The following MROH9 variants were observed in gnomAD, a reference collection of about 807,000 sequenced individuals.
MROH9 encodes the protein maestro heat-like repeat-containing protein family member 9.
In MROH9, 92 loss-of-function variants were observed where a neutral mutation model predicts 98.2. The observed-to-expected ratio is 0.94, with a 90% CI of 0.79 to 1.11. The LOEUF (loss-of-function observed/expected upper bound fraction) is 1.11, where lower values mean the gene tolerates loss of function less well. Ranked by LOEUF, MROH9 falls within the 50% of genes most tolerant of loss-of-function variation. The probability of loss-of-function intolerance (pLI) is 0.00; values close to 1 mark genes in which losing one functional copy is unlikely to be tolerated. For missense variants in MROH9, 1,057 were observed against 1,014.8 expected, an observed-to-expected ratio of 1.04 and a Z score of -0.57; for synonymous variants, 397 against 368.9, an observed-to-expected ratio of 1.08 and a Z score of -0.87.
chr1:170,961,691 T>A lies in MROH9; in HGVS notation c.289-199T>A, dbSNP rs145037719. On this transcript the variant is annotated intron_variant, in intron 5 of 21. Coordinates refer to ENST00000367759, the MANE Select transcript of MROH9 (RefSeq NM_001163629.2). ...TTTGTCTTTTTCTTTGTATATTTTT[T>A]AATATCTGAGATAATGCTAAAATTC... Among the ~76,000 whole-genome samples, 37 of 152,334 alleles carry A rather than the reference T, an allele frequency of 2.4e-4. No individual in the cohort carries two copies. The East Asian group carries it at 6.7e-3, about 28-fold the overall frequency.
chr1:170,976,327 A>T (rs1443289229), intron 8 of MROH9, among the ~76,000 whole-genome samples: 1 of 151,694 alleles, frequency 6.6e-6, no homozygotes, highest in Non-Finnish European at 1.5e-5. Flanking sequence ...AGGAGCTCTT[A>T]TCAGGCAGAT....
chr1:171,006,045 T>C (rs1463606316), intron 15 of MROH9, among the ~76,000 whole-genome samples: 1 of 152,264 alleles, frequency 6.6e-6, no homozygotes, highest in Non-Finnish European at 1.5e-5. Flanking sequence ...CATATTTTAA[T>C]GTTGTTACTC....
intron 8 of MROH9, among the ~76,000 whole-genome samples, chr1:170,982,729 A>G (rs1650983874): frequency 6.6e-6 from 1 of 151,990 alleles, no homozygotes; most frequent in African/African-American, 2.4e-5. Flanking sequence ...ATCTCTACGA[A>G]ATATGTATAT....
chr1:170,945,818 C>G (rs936823519), intron 2 of MROH9, among the ~76,000 whole-genome samples: 3 of 151,578 alleles, frequency 2.0e-5, no homozygotes, highest in African/African-American at 4.9e-5. Flanking sequence ...GATTACAATG[C>G]AAAAAATTAG....
chr1:171,012,583 A>G (rs1652191406), intron 15 of MROH9, among the ~76,000 whole-genome samples: 1 of 149,746 alleles, frequency 6.7e-6, no homozygotes, highest in Admixed American at 6.7e-5. Context: ...GCTCACCGCA[A>G]GCTCCGCCTC....
At chr1:170,972,302 G>C (rs1355874269) in intron 8 of MROH9, among the ~76,000 whole-genome samples, 2 of 152,148 alleles carry the variant, frequency 1.3e-5, no homozygotes, top group African/African-American at 4.8e-5. Context: ...TGTTGCTGTG[G>C]CTTGTCTAAC....
chr1:171,033,584 T>C (rs914476774), intron 20 of MROH9, among the ~76,000 whole-genome samples: 2 of 152,208 alleles, frequency 1.3e-5, no homozygotes, highest in African/African-American at 4.8e-5. Context: ...CACGCCAGCC[T>C]CCTAGTCAGT....
At chr1:170,953,806 G>C (rs1649652857) in intron 3 of MROH9, among the ~76,000 whole-genome samples, 1 of 149,484 alleles carries the variant, frequency 6.7e-6, no homozygotes, top group Non-Finnish European at 1.5e-5. Flanking sequence ...GAGAGGGAGA[G>C]AGAGAGAGAG....
chr1:170,998,698 C>T (rs898567470), intron 15 of MROH9: 4 of 1,056,142 alleles, frequency 3.8e-6, no homozygotes, highest in Non-Finnish European at 4.6e-6. Flanking sequence ...AGATGTGGAA[C>T]CATATTACTT....
At chr1:170,951,491 G>A (rs2101878820) in intron 3 of MROH9, among the ~76,000 whole-genome samples, 1 of 152,224 alleles carries the variant, frequency 6.6e-6, no homozygotes, top group South Asian at 2.1e-4. Flanking sequence ...ATTGGAAATA[G>A]GAGTTGCAAG....
intron 4 of MROH9, 63 bp from the exon 5 acceptor site, chr1:170,959,399 G>A (rs978189295): frequency 7.8e-7 from 1 of 1,276,298 alleles, no homozygotes; most frequent in Non-Finnish European, 1.1e-6. Flanking sequence ...AATAAATAAA[G>A]CCCACTAAAT....
chr1:170,971,789 G>A lies in MROH9; in HGVS notation c.522G>A (p.Glu174=), dbSNP rs200205764. 5.5e-5 allele frequency: 89 copies of A among 1,614,048 alleles called. No individual in the cohort carries two copies. In the East Asian group the frequency reaches 1.4e-3, roughly 25 times the overall value. ...CATGTTTGGGTCTCCTGGCAGCAGA[G>A]CTGTCTCTTTTGTGTTCCCATGAAG... ...DAPCLGLLAA[E]LSLLCSHEDP... is the part of the protein sequence containing the mutation. Residue 174 remains glutamate (E), a synonymous_variant, in exon 8 of 22, where the codon GAG becomes GAA. Transcript: ENST00000367759.
Position 170,945,596 on chromosome 1 carries a change from C to G in MROH9, c.25+15C>G. The G allele has an allele frequency of 6.2e-7, 1 of 1,610,016 alleles. No individual in the cohort carries two copies. Among genetic ancestry groups the G allele is most frequent in the Non-Finnish European group, 8.5e-7 (1 of 1,177,740 alleles). ...TCCAAAAACAAGTAAGGCTTTAGGACACAATAGAGATGGGAGAAGGTATTT... is the reference window on the plus strand; with the variant it reads ...TCCAAAAACAAGTAAGGCTTTAGGAGACAATAGAGATGGGAGAAGGTATTT... On this transcript the variant is annotated intron_variant, in intron 2 of 21. Transcript: ENST00000367759.
At chr1:170,947,677 C>T (rs1649386651) in intron 3 of MROH9, 104 bp downstream of exon 3, 2 of 1,074,602 alleles carry the variant, frequency 1.9e-6, no homozygotes, top group African/African-American at 1.6e-5. Flanking sequence ...GTTTAAAATA[C>T]ATGTGTTGGG....
At position 170,989,953 on chromosome 1, in the gene MROH9, A is replaced by G. The variant is rs1315359299; in HGVS notation, c.978A>G (p.Ser326=). ...TTATCACTTTGTTGACATGCACTTC[A>G]CCCAAGAAGGTCATCTTTCAACTTA... The part of the protein sequence containing the change: ...LQVITLLTCT[S]PKKVIFQLMD... The change falls in exon 11 of 22, where the codon TCA becomes TCG. Residue 326 remains serine, a synonymous_variant. Transcript: ENST00000367759. 1 of 1,613,132 alleles carries G rather than the reference A, an allele frequency of 6.2e-7. No individual in the cohort carries two copies.
At chr1:171,039,998 G>T (rs190151823) in intron 20 of MROH9, among the ~76,000 whole-genome samples, 30 of 152,062 alleles carry the variant, frequency 2.0e-4, no homozygotes, top group Admixed American at 1.8e-3. Flanking sequence ...GATAAGCAAA[G>T]AAAATCCTCC....
At chr1:171,034,374 A>C (rs974094884) in intron 20 of MROH9, among the ~76,000 whole-genome samples, 5 of 152,196 alleles carry the variant, frequency 3.3e-5, no homozygotes, top group African/African-American at 1.2e-4. Flanking sequence ...GCAAAAAGAC[A>C]TCCAGTATCT....
intron 18 of MROH9, 48 bp downstream of exon 18, chr1:171,024,595 GT>G: frequency 6.5e-7 from 1 of 1,531,168 alleles, no homozygotes; most frequent in South Asian, 1.2e-5. Flanking sequence ...GGATTGTAAT[GT>G]TTTATCTAAC....
At chr1:171,063,106 T>G (rs1654060322) in intron 21 of MROH9, among the ~76,000 whole-genome samples, 5 of 152,092 alleles carry the variant, frequency 3.3e-5, no homozygotes. Flanking sequence ...TCTTCTTTCA[T>G]TCCCCCCATC....
Sources: allele counts gnomAD v4.1 joint callset (sites outside exome capture counted in the v4.1 genomes callset), GRCh38; gene constraint gnomAD v4.1.1; transcripts MANE v1.5; gene names NCBI Gene and HGNC (gene_info 2026-07-23, HGNC 2026-07-21).